CEP63: variants seen among roughly 807,000 people sequenced by gnomAD.
CEP63 encodes centrosomal protein 63, also known as centrosomal protein of 63 kDa.
CEP63 carries 84 observed loss-of-function variants against 89.1 expected under a neutral mutation model. The observed-to-expected ratio is 0.94, with a 90% CI of 0.79 to 1.13. The LOEUF (loss-of-function observed/expected upper bound fraction) is 1.13. Ranked by LOEUF, CEP63 falls within the 50% of genes most tolerant of loss-of-function variation. The pLI, the probability that CEP63 is intolerant of heterozygous loss-of-function variation, is 0.00. For missense variants in CEP63, 838 were observed against 813.3 expected, an observed-to-expected ratio of 1.03 and a Z score of -0.37; for synonymous variants, 267 against 272.5, an observed-to-expected ratio of 0.98 and a Z score of 0.20.
At chr3:134,746,068 A>ACCCCCCCCC in the CEP63 span, among the ~76,000 whole-genome samples, 2 of 119,730 alleles carry the variant, frequency 1.7e-5, no homozygotes, top group African/African-American at 3.4e-5. Context: ...CTCCTCCACC[A>ACCCCCCCCC]CCCCCCCCAC....
chr3:134,775,615 G>A, the CEP63 span, among the ~76,000 whole-genome samples: 3 of 151,952 alleles, frequency 2.0e-5, no homozygotes, highest in Non-Finnish European at 2.9e-5. Flanking sequence ...AGTCCAATAC[G>A]CCCCCTACTA....
the CEP63 span, among the ~76,000 whole-genome samples, chr3:134,638,623 C>T: frequency 6.6e-6 from 1 of 152,346 alleles, no homozygotes; most frequent in Non-Finnish European, 1.5e-5. Context: ...GGCCCCTTTC[C>T]TAGACCCCGC....
the CEP63 span, among the ~76,000 whole-genome samples, chr3:134,707,472 A>G: frequency 1.8e-4 from 27 of 152,222 alleles, no homozygotes; most frequent in Non-Finnish European, 8.8e-5. Context: ...AGAGGAGATA[A>G]GGGATCTCTG....
the CEP63 span, among the ~76,000 whole-genome samples, chr3:134,726,455 G>GACAC: frequency 8.9e-3 from 454 of 51,084 alleles, 8 homozygotes; most frequent in Non-Finnish European, 0.01. Context: ...CAGGCACACA[G>GACAC]ACAGACACAC....
chr3:134,574,014 G>C (rs1958124928), intron 11 of CEP63, among the ~76,000 whole-genome samples: 1 of 152,182 alleles, frequency 6.6e-6, no homozygotes, highest in South Asian at 2.1e-4. Flanking sequence ...GCACACTACA[G>C]TCTCTGTAGG....
chr3:134,690,742 G>T, the CEP63 span, among the ~76,000 whole-genome samples: 5 of 84,992 alleles, frequency 5.9e-5, no homozygotes, highest in African/African-American at 2.9e-4. Flanking sequence ...GGAAGACCAA[G>T]ATTTTTTTTT....
At chr3:134,755,355 G>A in the CEP63 span, among the ~76,000 whole-genome samples, 6 of 152,276 alleles carry the variant, frequency 3.9e-5, no homozygotes, top group Admixed American at 2.6e-4. Context: ...TGTGAATGGC[G>A]CCACAGCTCT....
the CEP63 span, among the ~76,000 whole-genome samples, chr3:134,722,635 G>A: frequency 2.0e-5 from 3 of 152,010 alleles, no homozygotes; most frequent in Middle Eastern, 3.4e-3. Flanking sequence ...TCATTTTTAT[G>A]TAATCTGAGA....
chr3:134,719,006 G>C, the CEP63 span, among the ~76,000 whole-genome samples: 1 of 152,142 alleles, frequency 6.6e-6, no homozygotes, highest in Non-Finnish European at 1.5e-5. Context: ...TTAACCACTA[G>C]GTATGAATTC....
the CEP63 span, among the ~76,000 whole-genome samples, chr3:134,719,253 T>G: frequency 1.2e-4 from 18 of 152,140 alleles, no homozygotes; most frequent in Admixed American, 1.2e-3. Flanking sequence ...TCCTTCTGCC[T>G]TGGCCTCCCA....
Position 134,561,746 on chromosome 3 carries a change from A to T in CEP63, c.*211A>T, listed in dbSNP as rs760858627. The T allele has an allele frequency of 9.0e-5, 124 of 1,384,634 alleles. No individual in the cohort carries two copies. Among genetic ancestry groups the T allele is most frequent in the Non-Finnish European group, 1.0e-4 (110 of 1,072,360 alleles). 85.8% of individuals were successfully genotyped at this position (1,384,634 alleles called of 1,614,324 possible). ...AGGACTTCTTCCAGCAATAAGTTGA[A>T]AGAATAAACCACTTTGCTAGACTTT... On this transcript the variant is annotated 3_prime_UTR_variant, in exon 15 of 15. Transcript: ENST00000675561.
chr3:134,485,951 C>A, upstream of CEP63: 1 of 982,404 alleles, frequency 1.0e-6, no homozygotes, highest in Non-Finnish European at 1.2e-6. Context: ...GAAACCCTTA[C>A]CGGCACCCGG....
the CEP63 span, among the ~76,000 whole-genome samples, chr3:134,747,506 A>G: frequency 6.6e-6 from 1 of 152,160 alleles, no homozygotes; most frequent in Non-Finnish European, 1.5e-5. Context: ...AGGTGTGTTT[A>G]GGGCCCCACT....
the CEP63 span, among the ~76,000 whole-genome samples, chr3:134,681,046 C>T: frequency 0.16 from 25,027 of 152,076 alleles, 2,118 homozygotes; most frequent in Middle Eastern, 0.23. Context: ...AGGCAGGCCT[C>T]GGAGCAGGAC....
intron 1 of CEP63, among the ~76,000 whole-genome samples, chr3:134,494,347 C>A (rs1050858077): frequency 3.2e-4 from 49 of 151,906 alleles, no homozygotes; most frequent in African/African-American, 1.1e-3. Flanking sequence ...AACTCCTGAC[C>A]TCAGGTGATC....
chr3:134,678,603 A>G, the CEP63 span, among the ~76,000 whole-genome samples: 4 of 152,178 alleles, frequency 2.6e-5, no homozygotes, highest in Non-Finnish European at 4.4e-5. Context: ...ACCTCTTTAT[A>G]TATTAACTCA....
the CEP63 span, among the ~76,000 whole-genome samples, chr3:134,729,675 T>C: frequency 6.6e-6 from 1 of 152,228 alleles, no homozygotes; most frequent in African/African-American, 2.4e-5. Context: ...AATAGTCCCA[T>C]TTTATAAATG....
chr3:134,619,236 C>T, the CEP63 span: 1 of 1,613,910 alleles, frequency 6.2e-7, no homozygotes, highest in South Asian at 1.1e-5. Flanking sequence ...GCTTGGCGGT[C>T]CTTCTCCTGA....
the CEP63 span, among the ~76,000 whole-genome samples, chr3:134,679,999 A>T: frequency 2.6e-5 from 4 of 152,170 alleles, no homozygotes; most frequent in Admixed American, 6.5e-5. Flanking sequence ...GCTGGGGATT[A>T]CAAGTGTGAG....
Sources: allele counts gnomAD v4.1 joint callset (sites outside exome capture counted in the v4.1 genomes callset), GRCh38; gene constraint gnomAD v4.1.1; transcripts MANE v1.5; gene names NCBI Gene and HGNC (gene_info 2026-07-23, HGNC 2026-07-21).